GABRG2: variants seen among roughly 807,000 people sequenced by gnomAD.
GABRG2 encodes gamma-aminobutyric acid receptor subunit gamma-2.
Under a neutral mutation model 56.4 loss-of-function variants are expected in GABRG2, and 16 were observed. The ratio of observed to expected loss-of-function variants is 0.28; its 90% CI spans 0.19 to 0.43. GABRG2 has a LOEUF of 0.43. GABRG2 is among the 20% of genes least tolerant of loss of function. The pLI is 1.00. For missense variants in GABRG2, 327 were observed against 582.7 expected, an observed-to-expected ratio of 0.56 and a Z score of 4.52; for synonymous variants, 208 against 205.5, an observed-to-expected ratio of 1.01 and a Z score of -0.10.
At chr5:162,109,424 T>TATATATA (rs1581377391) in intron 6 of GABRG2, among the ~76,000 whole-genome samples, 7 of 87,752 alleles carry the variant, frequency 8.0e-5, no homozygotes, top group East Asian at 4.0e-4. Flanking sequence ...ATATATATAT[T>TATATATA]TATTTATATA....
chr5:162,115,019 A>T (rs1762520445), intron 6 of GABRG2, among the ~76,000 whole-genome samples: 2 of 152,026 alleles, frequency 1.3e-5, no homozygotes, highest in East Asian at 1.9e-4. Flanking sequence ...TCAAACTGAT[A>T]CTTTGTCCCT....
intron 6 of GABRG2, among the ~76,000 whole-genome samples, chr5:162,134,656 G>A (rs1377402138): frequency 6.6e-6 from 1 of 152,110 alleles, no homozygotes; most frequent in East Asian, 1.9e-4. Context: ...CACTGTTGAT[G>A]CCCCTGCCAC....
intron 4 of GABRG2, chr5:162,100,029 A>G (rs1031019292): frequency 2.0e-5 from 3 of 152,172 alleles, no homozygotes; most frequent in African/African-American, 4.8e-5. Context: ...TTTGAAGAGC[A>G]TATAAATATA....
In GABRG2 at chr5:162,104,172, AT is replaced by A. The variant is rs576014796; in HGVS notation, c.769+148del. 1.0e-3 allele frequency: 804 copies of A among 769,408 alleles called. 6 individuals carry two copies. In the African/African-American group the frequency reaches 0.013, roughly 12 times the overall value. 47.7% of individuals were successfully genotyped at this position (769,408 alleles called of 1,614,324 possible). On this transcript the variant is annotated intron_variant, in intron 6 of 9. Transcript: ENST00000639213. ...TTTTAACTTTCTAGAGAAAATTATA[AT>A]TGAAATTCAAGTAGAATAGATAAAT... is the stretch of plus-strand genomic sequence containing the variant.
chr5:162,136,847 A>G (rs1490820492), intron 6 of GABRG2, among the ~76,000 whole-genome samples: 1 of 152,202 alleles, frequency 6.6e-6, no homozygotes, highest in African/African-American at 2.4e-5. Flanking sequence ...ATAAATTAGC[A>G]TGTGTCTGTT....
intron 9 of GABRG2, chr5:162,152,015 G>A (rs563441434): frequency 8.1e-6 from 3 of 370,582 alleles, no homozygotes; most frequent in African/African-American, 6.3e-5. Flanking sequence ...ATCCATCAAA[G>A]CCAAAATGAG....
intron 1 of GABRG2, among the ~76,000 whole-genome samples, chr5:162,076,982 G>T (rs1009652828): frequency 2.6e-5 from 4 of 151,766 alleles, no homozygotes; most frequent in African/African-American, 9.7e-5. Flanking sequence ...TTTAAATAAA[G>T]ACATAATATA....
chr5:162,132,824 C>T (rs999914822), intron 6 of GABRG2, among the ~76,000 whole-genome samples: 1 of 152,008 alleles, frequency 6.6e-6, no homozygotes, highest in Non-Finnish European at 1.5e-5. Flanking sequence ...TGAAATGGGA[C>T]TTCTGCAAAA....
At chr5:162,129,478 A>G (rs1171845267) in intron 6 of GABRG2, among the ~76,000 whole-genome samples, 1 of 152,028 alleles carries the variant, frequency 6.6e-6, no homozygotes, top group African/African-American at 2.4e-5. Context: ...AACATTTAAA[A>G]AGTGAAAAAA....
intron 5 of GABRG2, 145 bp from the exon 6 acceptor site, chr5:162,103,744 T>C: frequency 1.2e-6 from 1 of 840,650 alleles, no homozygotes; most frequent in Non-Finnish European, 1.9e-6. Flanking sequence ...TATGTTCTCA[T>C]TGCAATGCCC....
intron 3 of GABRG2, among the ~76,000 whole-genome samples, chr5:162,097,174 CAG>C (rs1761058159): frequency 6.6e-6 from 1 of 152,076 alleles, no homozygotes; most frequent in African/African-American, 2.4e-5. Context: ...TTTTCCCTCT[CAG>C]GGGATGTTTG....
At chr5:162,089,448 A>G (rs1760391020) in intron 1 of GABRG2, among the ~76,000 whole-genome samples, 2 of 152,116 alleles carry the variant, frequency 1.3e-5, no homozygotes, top group African/African-American at 4.8e-5. Flanking sequence ...AGAAAATCCA[A>G]TGCATGGGAA....
At chr5:162,084,004 A>G (rs191629971) in intron 1 of GABRG2, among the ~76,000 whole-genome samples, 229 of 152,018 alleles carry the variant, frequency 1.5e-3, no homozygotes, top group Non-Finnish European at 2.7e-3. Context: ...GACAACTGCA[A>G]ATAAATTCAA....
intron 6 of GABRG2, among the ~76,000 whole-genome samples, chr5:162,133,211 C>T (rs914524388): frequency 1.3e-5 from 2 of 152,062 alleles, no homozygotes; most frequent in African/African-American, 4.8e-5. Context: ...TTCTTCAAAT[C>T]GACTGTCCTC....
chr5:162,109,420 A>ATATATATATATATATTTATT (rs1424412323), intron 6 of GABRG2, among the ~76,000 whole-genome samples: 6 of 116,116 alleles, frequency 5.2e-5, no homozygotes, highest in African/African-American at 9.7e-5. Context: ...ATATATATAT[A>ATATATATATATATATTTATT]TATTTATTTA....
chr5:162,110,264 A>G (rs1465938451), intron 6 of GABRG2, among the ~76,000 whole-genome samples: 1 of 152,146 alleles, frequency 6.6e-6, no homozygotes, highest in Admixed American at 6.6e-5. Flanking sequence ...CCTGATTTCT[A>G]AAGTATACAT....
chr5:162,114,240 A>G (rs752882605), intron 6 of GABRG2, among the ~76,000 whole-genome samples: 1 of 152,196 alleles, frequency 6.6e-6, no homozygotes, highest in Non-Finnish European at 1.5e-5. Context: ...CAAAGTCTCT[A>G]CTACTCCCTG....
At chr5:162,139,092 G>A (rs868793844) in intron 6 of GABRG2, among the ~76,000 whole-genome samples, 4 of 151,920 alleles carry the variant, frequency 2.6e-5, no homozygotes, top group African/African-American at 4.8e-5. Context: ...AAACATTAAT[G>A]GATGTTGTTT....
chr5:162,105,165 T>C (rs1302535939), intron 6 of GABRG2, among the ~76,000 whole-genome samples: 1 of 152,174 alleles, frequency 6.6e-6, no homozygotes, highest in Non-Finnish European at 1.5e-5. Flanking sequence ...GGCCTTCATC[T>C]ACTTTACAGA....
Sources: allele counts gnomAD v4.1 joint callset (sites outside exome capture counted in the v4.1 genomes callset), GRCh38; gene constraint gnomAD v4.1.1; transcripts MANE v1.5; gene names NCBI Gene and HGNC (gene_info 2026-07-23, HGNC 2026-07-21).